The following AOPEP variants were observed in gnomAD, a reference collection of about 807,000 sequenced individuals.
AOPEP encodes aminopeptidase O.
A neutral mutation model predicts 98.1 loss-of-function variants in AOPEP; 77 were observed. The ratio of observed to expected loss-of-function variants is 0.78; its 90% confidence interval spans 0.65 to 0.95. AOPEP has a LOEUF of 0.95. AOPEP is among the 40% of genes least tolerant of loss of function. AOPEP has a pLI of 0.00. For missense variants in AOPEP, 1,024 were observed against 1,024.7 expected (o/e 1.00, Z 0.01); for synonymous variants, 346 against 365.3 (o/e 0.95, Z 0.60).
At chr9:94,945,234 A>C (rs966642462) in intron 7 of AOPEP, among the ~76,000 whole-genome samples, 5 of 152,112 alleles carry the variant, frequency 3.3e-5, no homozygotes, top group Admixed American at 6.5e-5. Flanking sequence ...TATACCTCCC[A>C]TTGTCCTCTT....
the AOPEP span, among the ~76,000 whole-genome samples, chr9:95,130,326 A>G: frequency 6.6e-6 from 1 of 151,936 alleles, no homozygotes; most frequent in Admixed American, 6.6e-5. Flanking sequence ...GAGAGAGAAT[A>G]GGGAAAAGGA....
At chr9:94,874,835 C>T (rs1420652345) in intron 5 of AOPEP, among the ~76,000 whole-genome samples, 1 of 152,092 alleles carries the variant, frequency 6.6e-6, no homozygotes, top group Non-Finnish European at 1.5e-5. Context: ...TAAATTATTC[C>T]AAGATACAGA....
chr9:95,047,912 G>A (rs750374242), intron 13 of AOPEP, among the ~76,000 whole-genome samples: 14 of 152,098 alleles, frequency 9.2e-5, no homozygotes, highest in African/African-American at 3.1e-4. Flanking sequence ...AACAGTTAGC[G>A]ACCTCCACCA....
Position 94,885,348 on chromosome 9 carries a change from C to CAAAAAAAAAA in AOPEP, c.1365-38605_1365-38596dup, listed in dbSNP as rs71366268. ...TGGGTGACAGAGTGAGATCCTGTCT[C>CAAAAAAAAAA]AAAAAAAAAAAAAAAAAAAAAAAAA... is the stretch of plus-strand genomic sequence containing the variant. On this transcript the variant is annotated intron_variant, in intron 5 of 16. Coordinates refer to ENST00000375315, the MANE Select transcript of AOPEP (RefSeq NM_001193329.3). Among the ~76,000 whole-genome samples, 34 of 35,988 alleles carry CAAAAAAAAAA rather than the reference C, an allele frequency of 9.4e-4. 5 individuals carry two copies. Among genetic ancestry groups the CAAAAAAAAAA allele is most frequent in the Non-Finnish European group, 1.5e-3 (30 of 19,520 alleles). 23.6% of individuals were successfully genotyped at this position (35,988 alleles called of 152,430 possible). A position where few individuals can be genotyped will look rare whatever the true frequency, so the allele number is the denominator to read the frequency against.
chr9:95,122,778 C>A, the AOPEP span, among the ~76,000 whole-genome samples: 3 of 152,148 alleles, frequency 2.0e-5, no homozygotes, highest in Non-Finnish European at 4.4e-5. Context: ...GTGTGCTCCG[C>A]GAGGCCACAG....
intron 5 of AOPEP, among the ~76,000 whole-genome samples, chr9:94,867,510 TC>T (rs1372885978): frequency 6.6e-6 from 1 of 152,246 alleles, no homozygotes; most frequent in Admixed American, 6.5e-5. Flanking sequence ...GAGGCATTCT[TC>T]CTACTTTGCG....
At chr9:95,059,193 TTAGTAATTC>T (rs1455615296) in intron 13 of AOPEP, among the ~76,000 whole-genome samples, 2 of 152,214 alleles carry the variant, frequency 1.3e-5, no homozygotes, top group Non-Finnish European at 2.9e-5. Flanking sequence ...AAATGGAGTG[TTAGTAATTC>T]TTTGGGTCCT....
At chr9:95,032,946 C>G (rs1256169224) in intron 13 of AOPEP, among the ~76,000 whole-genome samples, 1 of 152,174 alleles carries the variant, frequency 6.6e-6, no homozygotes, top group Admixed American at 6.5e-5. Context: ...GATACTGTGC[C>G]AAGTGCTAGA....
intron 13 of AOPEP, among the ~76,000 whole-genome samples, chr9:95,040,062 C>T (rs2065154471): frequency 6.6e-6 from 1 of 152,202 alleles, no homozygotes; most frequent in Non-Finnish European, 1.5e-5. Context: ...TGCTTTAATA[C>T]CTGAGCAGCA....
intron 10 of AOPEP, among the ~76,000 whole-genome samples, chr9:94,976,317 TC>T (rs1250939100): frequency 6.6e-6 from 1 of 152,012 alleles, no homozygotes; most frequent in Admixed American, 6.6e-5. Flanking sequence ...AGGGCTCAAC[TC>T]CCCAGCCCCC....
At chr9:94,885,147 T>C (rs2048062863) in intron 5 of AOPEP, among the ~76,000 whole-genome samples, 1 of 151,640 alleles carries the variant, frequency 6.6e-6, no homozygotes, top group Non-Finnish European at 1.5e-5. Context: ...CCAGGACTTA[T>C]AGACTAGCCT....
chr9:95,043,574 T>C (rs1044043496), intron 13 of AOPEP, among the ~76,000 whole-genome samples: 4 of 152,234 alleles, frequency 2.6e-5, no homozygotes, highest in Admixed American at 2.6e-4. Context: ...TGTACTAACA[T>C]AGGAAAACTT....
intron 5 of AOPEP, among the ~76,000 whole-genome samples, chr9:94,847,401 G>A (rs1159859052): frequency 2.0e-5 from 3 of 152,232 alleles, no homozygotes; most frequent in South Asian, 2.1e-4. Flanking sequence ...TCTTCTGTGG[G>A]ATGTGGAGGC....
At position 95,010,876 on chromosome 9, in the gene AOPEP, T is replaced by C. The variant is rs541564382; in HGVS notation, c.2115+5260T>C. 5.3e-5 allele frequency among the ~76,000 whole-genome samples: 8 copies of C among 152,320 alleles called. No individual in the cohort carries two copies. The East Asian group carries it at 1.3e-3, about 26-fold the overall frequency. ...CAAAGAAACCAAACAAAAGGAGTAA[T>C]TACAGTGCTGTTAATACGCAATTCG... On this transcript the variant is annotated intron_variant, in intron 13 of 16. Transcript: ENST00000375315.
chr9:95,124,769 G>C, the AOPEP span, among the ~76,000 whole-genome samples: 2 of 152,220 alleles, frequency 1.3e-5, no homozygotes, highest in East Asian at 3.9e-4. Flanking sequence ...CAGCCAGGGG[G>C]CAGTGTCCTG....
At chr9:94,956,072 G>T in intron 9 of AOPEP, 57 bp downstream of exon 9, 1 of 1,011,768 alleles carries the variant, frequency 9.9e-7, no homozygotes, top group South Asian at 1.4e-5. Flanking sequence ...TATGGCACAT[G>T]AAGATTAGAT....
chr9:95,116,385 C>T, the AOPEP span, among the ~76,000 whole-genome samples: 18 of 152,208 alleles, frequency 1.2e-4, no homozygotes, highest in African/African-American at 4.1e-4. Flanking sequence ...GTTAGGGGAT[C>T]ACCCTGGGCA....
the AOPEP span, chr9:95,117,432 T>C: frequency 6.4e-7 from 1 of 1,552,376 alleles, no homozygotes; most frequent in Non-Finnish European, 8.9e-7. Context: ...AACATTAAGA[T>C]TGAAACGGGG....
chr9:94,929,483 C>A (rs1253250850), intron 7 of AOPEP, among the ~76,000 whole-genome samples: 1 of 152,258 alleles, frequency 6.6e-6, no homozygotes, highest in African/African-American at 2.4e-5. Flanking sequence ...TGGGGTATGG[C>A]AAGCTGCACC....
Sources: allele counts gnomAD v4.1 joint callset (sites outside exome capture counted in the v4.1 genomes callset), GRCh38; gene constraint gnomAD v4.1.1; transcripts MANE v1.5; gene names NCBI Gene and HGNC (gene_info 2026-07-23, HGNC 2026-07-21).